The following ZNF718 variants were observed in gnomAD, a reference collection of about 807,000 sequenced individuals.
ZNF718 encodes zinc finger protein 718.
Under a neutral mutation model 2.6 loss-of-function variants are expected in ZNF718, and 3 were observed. The observed-to-expected ratio is 1.16, with a 90% CI of 0.53 to 3.01. ZNF718 has a LOEUF of 3.01. Ranked by LOEUF, ZNF718 falls within the 30% of genes most tolerant of loss-of-function variation. The pLI is 0.03. For missense variants in ZNF718, 468 were observed against 230.0 expected (o/e 2.03, Z -6.69); for synonymous variants, 135 against 77.9 (o/e 1.73, Z -3.86).
chr4:154,846 T>C (rs772790168), intron 3 of ZNF718, among the ~76,000 whole-genome samples: 77 of 152,200 alleles, frequency 5.1e-4, no homozygotes, highest in Non-Finnish European at 9.3e-4. Context: ...ACTAAGACAC[T>C]GGGAAAAATG....
downstream of ZNF718, among the ~76,000 whole-genome samples, chr4:165,909 TAC>T (rs1553816738): frequency 6.6e-6 from 1 of 152,162 alleles, no homozygotes; most frequent in Non-Finnish European, 1.5e-5. Flanking sequence ...GCAGGTTAGT[TAC>T]ATATGTATAC....
At chr4:181,600 A>G (rs1167818220) in intron 3 of ZNF718, among the ~76,000 whole-genome samples, 2 of 152,146 alleles carry the variant, frequency 1.3e-5, no homozygotes, top group African/African-American at 2.4e-5. Flanking sequence ...ACAAAGTAAT[A>G]TATTTATTAA....
At chr4:166,834 G>A (rs1186083838), downstream of ZNF718, among the ~76,000 whole-genome samples, 3 of 152,070 alleles carry the variant, frequency 2.0e-5, no homozygotes, top group South Asian at 2.1e-4. Flanking sequence ...TTCTTTTGCT[G>A]TGCAGAAGCT....
chr4:154,915 T>C (rs1716493369), intron 3 of ZNF718, among the ~76,000 whole-genome samples: 2 of 152,160 alleles, frequency 1.3e-5, no homozygotes, highest in Admixed American at 1.3e-4. Flanking sequence ...CCCAGAGGCC[T>C]AAGAGGGAAA....
chr4:177,936 C>A (rs1717383137), intron 3 of ZNF718, among the ~76,000 whole-genome samples: 1 of 151,958 alleles, frequency 6.6e-6, no homozygotes, highest in Non-Finnish European at 1.5e-5. Flanking sequence ...GCTCCAAAGA[C>A]AACCCGAAAC....
intron 4 of ZNF718, chr4:201,212 G>A (rs530341812): frequency 2.6e-5 from 4 of 152,216 alleles, no homozygotes; most frequent in Non-Finnish European, 4.4e-5. Flanking sequence ...TGACAGATTG[G>A]TGAGTACACA....
At chr4:138,934 C>G (rs888870274) in intron 3 of ZNF718, among the ~76,000 whole-genome samples, 40 of 152,130 alleles carry the variant, frequency 2.6e-4, no homozygotes, top group Admixed American at 2.6e-3. Flanking sequence ...TTTGTAGGCT[C>G]TCTTTTGAGA....
At position 178,249 on chromosome 4, in the gene ZNF718, C is replaced by G. The variant is rs369194849; in HGVS notation, c.227-22832C>G. The stretch of plus-strand genomic sequence containing the variant: ...GACATCCTGGGCTCAAACAATCCTC[C>G]CATCTCAGCCAGCCAAGTAGCTGGG... On this transcript the variant is annotated intron_variant and NMD_transcript_variant, in intron 3 of 4. Transcript: ENST00000642529. Among the ~76,000 whole-genome samples, 15 of 151,932 alleles carry G rather than the reference C, an allele frequency of 9.9e-5. No homozygotes were observed. In the East Asian group the frequency reaches 2.7e-3, roughly 28 times the overall value.
rs1474742292 is a variant in ZNF718, at chr4:162,007, A to G, written c.1322A>G (p.His441Arg). Residue 441 changes from histidine to arginine, a missense_variant, in exon 4 of 4, where the codon CAT becomes CGT. Physicochemically the swap from His to Arg is conservative, Grantham distance 29. Coordinates refer to ENST00000510175, the MANE Select transcript of ZNF718 (RefSeq NM_001039127.6). ...AAACAGTCCTCACACTTGAATAAAC[A>G]TAAGAAAATTCACACTGTAGATAAA... ...AFKQSSHLNK[H>R]KKIHTVDKPY... 3.9e-6 allele frequency: 3 copies of G among 779,086 alleles called. No individual in the cohort carries two copies. The highest frequency in any genetic ancestry group is 7.2e-6 in the Non-Finnish European group (3 of 417,046). 48.3% of individuals were successfully genotyped at this position (779,086 alleles called of 1,614,324 possible). A position where few individuals can be genotyped will look rare whatever the true frequency, so the allele number is the denominator to read the frequency against.
intron 4 of ZNF718, chr4:201,379 T>G (rs1317749789): frequency 6.6e-6 from 1 of 152,358 alleles, no homozygotes; most frequent in Non-Finnish European, 1.5e-5. Flanking sequence ...CAGTGTTATT[T>G]TGGTGGGGTG....
intron 3 of ZNF718, among the ~76,000 whole-genome samples, chr4:198,517 G>A (rs1717836087): frequency 1.3e-5 from 2 of 152,182 alleles, no homozygotes; most frequent in African/African-American, 4.8e-5. Flanking sequence ...AGGCTAAGCA[G>A]TCCTGCAGGG....
intron 3 of ZNF718, among the ~76,000 whole-genome samples, chr4:142,198 A>T (rs781903035): frequency 3.3e-5 from 5 of 152,202 alleles, no homozygotes; most frequent in Non-Finnish European, 7.3e-5. Flanking sequence ...GGCATCCTTG[A>T]TGTAAACAGC....
Position 130,378 on chromosome 4 carries a change from A to G in ZNF718, c.4-410A>G, listed in dbSNP as rs1267550990. Among the ~76,000 whole-genome samples the G allele has an allele frequency of 4.8e-5, 5 of 103,638 alleles. 2 individuals carry two copies. Among genetic ancestry groups the G allele is most frequent in the Non-Finnish European group, 1.1e-4 (5 of 46,574 alleles). 68.0% of individuals were successfully genotyped at this position (103,638 alleles called of 152,430 possible). A position where few individuals can be genotyped will look rare whatever the true frequency, so the allele number is the denominator to read the frequency against. On this transcript the variant is annotated intron_variant, in intron 1 of 3. Transcript: ENST00000510175. ...ACTCTTAGCCCAGTCTTGCAGTAGA[A>G]TTACATGGACAGTCTGAAGAGAAAC...
Position 162,090 on chromosome 4 carries a change from C to A in ZNF718, c.1405C>A (p.His469Asn). The A allele has an allele frequency of 1.3e-6, 1 of 757,954 alleles. No individual in the cohort carries two copies. Among genetic ancestry groups the A allele is most frequent in the Non-Finnish European group, 2.4e-6 (1 of 409,102 alleles). The allele number at this position is 757,954 out of a possible 1,614,324, so 47.0% of individuals were successfully genotyped here. The change falls in exon 4 of 4, where the codon CAT (histidine) becomes AAT (asparagine). Residue 469 changes from histidine (H) to asparagine (N), a missense_variant. Physicochemically the swap from His to Asn is moderately conservative, Grantham distance 68. Coordinates refer to ENST00000510175, the MANE Select transcript of ZNF718 (RefSeq NM_001039127.6). ...AFKQYSNLPQ[H>N]KRTHTGGKF ...TAAGCAGTACTCCAACCTTCCTCAACATAAGAGAACTCATACTGGAGGAAA... is the reference window on the plus strand; with the variant it reads ...TAAGCAGTACTCCAACCTTCCTCAAAATAAGAGAACTCATACTGGAGGAAA...
intron 1 of ZNF718, among the ~76,000 whole-genome samples, chr4:125,484 G>GCATT (rs1715165863): frequency 6.6e-6 from 1 of 152,202 alleles, no homozygotes; most frequent in Admixed American, 6.5e-5. Context: ...GTGAGTTGCT[G>GCATT]GACACCCCGT....
At chr4:172,097 T>C (rs189910471) in intron 3 of ZNF718, among the ~76,000 whole-genome samples, 2 of 152,338 alleles carry the variant, frequency 1.3e-5, no homozygotes, top group East Asian at 1.9e-4. Context: ...ATACCGTACA[T>C]GGTGACTAGT....
At chr4:156,166 G>A (rs1716559366) in intron 3 of ZNF718, among the ~76,000 whole-genome samples, 2 of 152,060 alleles carry the variant, frequency 1.3e-5, no homozygotes, top group Admixed American at 6.6e-5. Flanking sequence ...TTTATCAGCA[G>A]TATGAAAATG....
At chr4:152,742 C>T (rs569750127) in intron 3 of ZNF718, among the ~76,000 whole-genome samples, 1 of 152,100 alleles carries the variant, frequency 6.6e-6, no homozygotes, top group Non-Finnish European at 1.5e-5. Flanking sequence ...GCATGAGCCA[C>T]CGTGCCTGGC....
rs533514686 is a variant in ZNF718 at position 155,770 on chromosome 4, G to A, written c.227-5142G>A. The stretch of plus-strand genomic sequence containing the variant: ...TAAGACTTTGGGGGACTGTTGGGAA[G>A]GCATAATTTGTTTTGAAATGTGAGG... On this transcript the variant is annotated intron_variant, in intron 3 of 3. Coordinates refer to ENST00000510175, the MANE Select transcript of ZNF718 (RefSeq NM_001039127.6). Among the ~76,000 whole-genome samples, 13 of 152,252 alleles carry A rather than the reference G, an allele frequency of 8.5e-5. No homozygotes were observed. The South Asian group carries it at 2.7e-3, about 32-fold the overall frequency.
Sources: gnomAD v4.1 joint callset for allele counts (sites outside exome capture counted in the v4.1 genomes callset) on GRCh38, gnomAD v4.1.1 for gene constraint, MANE v1.5 for transcripts, NCBI Gene and HGNC (gene_info 2026-07-23, HGNC 2026-07-21) for gene names.